EXOC1: variants seen among roughly 807,000 people sequenced by gnomAD.
The protein encoded by EXOC1 is SEC3-like 1.
A neutral mutation model predicts 107.7 loss-of-function variants in EXOC1; 67 were observed. The observed-to-expected ratio is 0.62, with a 90% CI of 0.51 to 0.76. The LOEUF (loss-of-function observed/expected upper bound fraction) is 0.76. Among genes scored for constraint, EXOC1 ranks in the 30% least tolerant of loss-of-function variants. EXOC1 has a pLI of 0.00. For synonymous variants in EXOC1, 348 were observed against 353.5 expected, an observed-to-expected ratio of 0.98 and a Z score of 0.17; for missense variants, 833 against 1,055.7, an observed-to-expected ratio of 0.79 and a Z score of 2.92.
chr4:55,904,601 G>A lies in EXOC1; in HGVS notation c.*106G>A, dbSNP rs971494102. On this transcript the variant is annotated 3_prime_UTR_variant, in exon 19 of 19. Coordinates refer to ENST00000381295, the MANE Select transcript of EXOC1 (RefSeq NM_001024924.2). The stretch of plus-strand genomic sequence containing the variant: ...TGAGAACCCAGACTTAAAATTTTAT[G>A]TATTATTAAATGTTAGATAAATGGG... 2.6e-6 allele frequency: 3 copies of A among 1,165,066 alleles called. No individual in the cohort carries two copies. The highest frequency in any genetic ancestry group is 3.5e-6 in the Non-Finnish European group (3 of 856,090). The allele number at this position is 1,165,066 out of a possible 1,614,324, so 72.2% of individuals were successfully genotyped here.
rs1200778281 is a variant in EXOC1 at position 55,878,051 on chromosome 4, T to C, written c.1209T>C (p.Tyr403=). The C allele has an allele frequency of 2.5e-6, 4 of 1,613,234 alleles. No homozygotes were observed. Among genetic ancestry groups the C allele is most frequent in the Non-Finnish European group, 3.4e-6 (4 of 1,179,616 alleles). The change falls in exon 9 of 19, where the codon TAT becomes TAC. Residue 403 remains tyrosine, a synonymous_variant. Transcript: ENST00000381295. ...EWLKSTDYGK[Y]EGLTKNYMDY... ...TAAAGAGTACAGATTATGGAAAATA[T>C]GAAGGACTAACAAAGGTATGGATTT... is the stretch of plus-strand genomic sequence containing the variant.
chr4:55,896,705 G>C lies in EXOC1; in HGVS notation c.1954-12G>C. 1 of 1,585,084 alleles carries C rather than the reference G, an allele frequency of 6.3e-7. No individual in the cohort carries two copies. Among genetic ancestry groups the C allele is most frequent in the Non-Finnish European group, 8.5e-7 (1 of 1,171,136 alleles). Reference sequence around the variant, plus strand: ...TGGTTATTTATCTCCCTTGCTCTCTGCCTAACTTTAGAGTAACCAAATAAG... The same window carrying C: ...TGGTTATTTATCTCCCTTGCTCTCTCCCTAACTTTAGAGTAACCAAATAAG... On this transcript the variant is annotated splice_polypyrimidine_tract_variant and intron_variant, in intron 15 of 18. Coordinates refer to ENST00000381295, the MANE Select transcript of EXOC1 (RefSeq NM_001024924.2).
At chr4:55,886,475 C>T (rs945854333) in intron 10 of EXOC1, among the ~76,000 whole-genome samples, 2 of 151,496 alleles carry the variant, frequency 1.3e-5, no homozygotes, top group African/African-American at 4.9e-5. Flanking sequence ...ATCACTTGAG[C>T]CTGAGAGGTC....
intron 10 of EXOC1, among the ~76,000 whole-genome samples, chr4:55,885,384 T>C (rs1723776180): frequency 6.6e-6 from 1 of 152,172 alleles, no homozygotes; most frequent in Admixed American, 6.5e-5. Context: ...TATCTTAATG[T>C]TATCATTGCA....
At chr4:55,861,835 C>T (rs1284634613) in intron 3 of EXOC1, among the ~76,000 whole-genome samples, 1 of 152,232 alleles carries the variant, frequency 6.6e-6, no homozygotes, top group Non-Finnish European at 1.5e-5. Context: ...TGGTGGATTG[C>T]CTGAGCTCAG....
At chr4:55,867,498 A>G (rs934530937) in intron 4 of EXOC1, among the ~76,000 whole-genome samples, 8 of 150,294 alleles carry the variant, frequency 5.3e-5, no homozygotes, top group African/African-American at 2.0e-4. Flanking sequence ...GTTAAAAATG[A>G]TTTCTTTCAT....
chr4:55,858,237 T>C, intron 1 of EXOC1, 77 bp from the exon 2 acceptor site: 1 of 1,390,064 alleles, frequency 7.2e-7, no homozygotes, highest in Non-Finnish European at 9.5e-7. Context: ...AAAAATTATT[T>C]TCAAATCATA....
At chr4:55,878,164 A>G (rs886567593) in intron 9 of EXOC1, 98 bp downstream of exon 9, 3 of 1,348,726 alleles carry the variant, frequency 2.2e-6, no homozygotes, top group Non-Finnish European at 3.0e-6. Flanking sequence ...ATACTGTAGT[A>G]CATTCTTAGC....
chr4:55,860,304 T>C, intron 2 of EXOC1, 107 bp from the exon 3 acceptor site: 1 of 1,402,400 alleles, frequency 7.1e-7, no homozygotes, highest in Admixed American at 1.9e-5. Flanking sequence ...ATTACACCTC[T>C]TTTAGTATCA....
In EXOC1 at chr4:55,878,217, C is replaced by A. The variant is rs540787444; in HGVS notation, c.1224+151C>A. ...AGTGCTCTTTACCAGTGATAACATT[C>A]ATTTTATTAACTTGGATAAAGGAGA... On this transcript the variant is annotated intron_variant, in intron 9 of 18. Transcript: ENST00000381295. 5.6e-6 allele frequency: 5 copies of A among 892,660 alleles called. No homozygotes were observed. In the African/African-American group the frequency reaches 8.5e-5, roughly 15 times the overall value. The allele number at this position is 892,660 out of a possible 1,614,324, so 55.3% of individuals were successfully genotyped here. A position where few individuals can be genotyped will look rare whatever the true frequency, so the allele number is the denominator to read the frequency against.
At chr4:55,867,127 G>GT (rs1722026504) in intron 4 of EXOC1, among the ~76,000 whole-genome samples, 1 of 152,298 alleles carries the variant, frequency 6.6e-6, no homozygotes, top group Non-Finnish European at 1.5e-5. Context: ...GTCTACTTGT[G>GT]TAAGGACCTG....
chr4:55,866,905 T>G (rs1182966042), intron 4 of EXOC1: 1 of 984,756 alleles, frequency 1.0e-6, no homozygotes, highest in East Asian at 1.1e-4. Flanking sequence ...GCGTAACACC[T>G]TTTCTTCTTC....
intron 10 of EXOC1, among the ~76,000 whole-genome samples, chr4:55,886,774 A>T (rs1427263430): frequency 6.6e-6 from 1 of 152,136 alleles, no homozygotes; most frequent in African/African-American, 2.4e-5. Flanking sequence ...GCTAGTAAGA[A>T]TAAATGCTGG....
chr4:55,859,278 ATTTATC>A (rs1353772052), intron 2 of EXOC1, among the ~76,000 whole-genome samples: 1 of 152,014 alleles, frequency 6.6e-6, no homozygotes, highest in Non-Finnish European at 1.5e-5. Flanking sequence ...ACAGTTCTCT[ATTTATC>A]TAGGTGTTTT....
intron 1 of EXOC1, 117 bp from the exon 2 acceptor site, chr4:55,858,197 A>G: frequency 4.0e-6 from 4 of 1,007,408 alleles, no homozygotes; most frequent in Non-Finnish European, 5.6e-6. Flanking sequence ...GTATTCATAT[A>G]TTAAATCATT....
At chr4:55,890,654 T>G (rs1724425177) in intron 12 of EXOC1, among the ~76,000 whole-genome samples, 1 of 152,212 alleles carries the variant, frequency 6.6e-6, no homozygotes, top group African/African-American at 2.4e-5. Flanking sequence ...TCTAAGTTGT[T>G]TGGGCACCTA....
At chr4:55,869,705 G>A (rs1722256225) in intron 5 of EXOC1, among the ~76,000 whole-genome samples, 1 of 152,182 alleles carries the variant, frequency 6.6e-6, no homozygotes, top group Non-Finnish European at 1.5e-5. Flanking sequence ...AGAGATGTCA[G>A]TGGCTTCTGA....
intron 8 of EXOC1, chr4:55,875,479 G>C: frequency 4.1e-6 from 4 of 979,934 alleles, no homozygotes; most frequent in Non-Finnish European, 4.8e-6. Flanking sequence ...AGTCACTATA[G>C]CAAAGTGCTT....
intron 15 of EXOC1, among the ~76,000 whole-genome samples, chr4:55,896,433 C>T (rs966030330): frequency 1.3e-5 from 2 of 152,112 alleles, no homozygotes; most frequent in African/African-American, 2.4e-5. Flanking sequence ...CATGAGCCAC[C>T]GTCCCCAGCT....
Sources: gnomAD v4.1 joint callset for allele counts (sites outside exome capture counted in the v4.1 genomes callset) on GRCh38, gnomAD v4.1.1 for gene constraint, MANE v1.5 for transcripts, NCBI Gene and HGNC (gene_info 2026-07-23, HGNC 2026-07-21) for gene names.